The following USP34 variants were observed in gnomAD, a reference collection of about 807,000 sequenced individuals.
USP34 encodes ubiquitin specific peptidase 34.
USP34 carries 70 observed loss-of-function variants against 460.3 expected under a neutral mutation model. That is an observed-to-expected ratio of 0.15 (90% CI 0.13 to 0.19). USP34 has a LOEUF of 0.19. Among genes scored for constraint, USP34 ranks in the 10% least tolerant of loss-of-function variants. USP34 has a pLI of 1.00. For missense variants in USP34, 3,985 were observed against 4,236.2 expected, an observed-to-expected ratio of 0.94 and a Z score of 1.65; for synonymous variants, 1,647 against 1,405.3, an observed-to-expected ratio of 1.17 and a Z score of -3.85.
chr2:61,404,970 G>A (rs1458961188), intron 3 of USP34, among the ~76,000 whole-genome samples: 1 of 152,078 alleles, frequency 6.6e-6, no homozygotes, highest in East Asian at 1.9e-4. Context: ...GCTCACGTCT[G>A]TAATCCCAGC....
chr2:61,213,582 C>T (rs963370132), intron 68 of USP34, among the ~76,000 whole-genome samples: 26 of 152,078 alleles, frequency 1.7e-4, no homozygotes, highest in Non-Finnish European at 1.0e-4. Context: ...ATATGTATCT[C>T]GATTGATCTC....
Position 61,384,116 on chromosome 2 carries a change from TAC to T in USP34, c.754-782_754-781del, listed in dbSNP as rs543373698. 1.7e-4 allele frequency among the ~76,000 whole-genome samples: 26 copies of T among 152,324 alleles called. No homozygotes were observed. In the South Asian group the frequency reaches 4.8e-3, roughly 28 times the overall value. ...TTCAGTATCTGAAGCAAATATATTT[TAC>T]AGTCACACACTGATTACAATATCAA... On this transcript the variant is annotated intron_variant, in intron 5 of 79. Transcript: ENST00000398571.
intron 2 of USP34, among the ~76,000 whole-genome samples, chr2:61,410,571 T>A (rs1385021022): frequency 6.6e-6 from 1 of 152,118 alleles, no homozygotes; most frequent in Non-Finnish European, 1.5e-5. Context: ...GCGGAAAAGG[T>A]GTTTTAAATA....
intron 75 of USP34, among the ~76,000 whole-genome samples, chr2:61,195,847 T>C (rs1053046091): frequency 1.3e-5 from 2 of 152,030 alleles, no homozygotes; most frequent in Non-Finnish European, 2.9e-5. Flanking sequence ...GCAGACTGTA[T>C]ACTACAATTT....
At chr2:61,206,641 G>C in intron 71 of USP34, 119 bp downstream of exon 71, 1 of 1,262,602 alleles carries the variant, frequency 7.9e-7, no homozygotes. Flanking sequence ...GCTAGCTTCA[G>C]CCTCATCTTC....
chr2:61,204,242 G>A lies in USP34; in HGVS notation c.9384+14C>T. 6.2e-7 allele frequency: 1 copy of A among 1,613,886 alleles called. No individual in the cohort carries two copies. Among genetic ancestry groups the A allele is most frequent in the Non-Finnish European group, 8.5e-7 (1 of 1,179,940 alleles). On this transcript the variant is annotated intron_variant, in intron 74 of 79. Coordinates refer to ENST00000398571, the MANE Select transcript of USP34 (RefSeq NM_014709.4). ...TACTATAGCAACATGGATTTTCCTG[G>A]CATCCCAACATACCTTACTGGTTTC...
At chr2:61,323,040 C>T (rs1690974040) in intron 21 of USP34, among the ~76,000 whole-genome samples, 1 of 152,044 alleles carries the variant, frequency 6.6e-6, no homozygotes, top group Non-Finnish European at 1.5e-5. Flanking sequence ...TTACATATAA[C>T]TTTGAAGTAA....
In USP34 at chr2:61,350,673, A is replaced by G. The variant is rs1392415868; in HGVS notation, c.1272T>C (p.Tyr424=). ...TGAGTGAAGGAAATAAGTCATGTAT[A>G]TACCGACTACAATGTTTCAACTAGA... ...AAAQLKHCSR[Y]IHDLFPSLIK... Residue 424 remains tyrosine (Y), a synonymous_variant, in exon 11 of 80, where the codon TAT becomes TAC. Transcript: ENST00000398571. 1.9e-6 allele frequency: 3 copies of G among 1,611,090 alleles called. No individual in the cohort carries two copies. Among genetic ancestry groups the G allele is most frequent in the Admixed American group, 3.4e-5 (2 of 59,258 alleles).
chr2:61,227,293 T>G (rs763862238), intron 61 of USP34, 75 bp from the exon 62 acceptor site: 8 of 1,502,846 alleles, frequency 5.3e-6, no homozygotes, highest in Non-Finnish European at 7.2e-6. Flanking sequence ...ACTTGTTTTA[T>G]GTAACAGTGT....
intron 69 of USP34, among the ~76,000 whole-genome samples, chr2:61,210,301 C>T (rs889806570): frequency 1.3e-5 from 2 of 152,146 alleles, no homozygotes; most frequent in Non-Finnish European, 2.9e-5. Flanking sequence ...CATTTTCTGT[C>T]TTTTATTCCA....
rs1372702160 is a variant in USP34, at chr2:61,206,826, A to C, written c.8980T>G (p.Leu2994Val). The change falls in exon 71 of 80, where the codon TTA becomes GTA. Residue 2994 changes from leucine (L) to valine (V), a missense_variant. By Grantham distance (32) the Leu-to-Val change is conservative. Around this residue, in one of 14 missense-constraint regions of USP34, gnomAD observed 275 missense variants for 292.7 expected, o/e 0.94. Coordinates refer to ENST00000398571, the MANE Select transcript of USP34 (RefSeq NM_014709.4). ...EATACHVTGD[L>V]VELLSIFLSV... ...AGAAATATTGACAGAAGTTCTACTA[A>C]ATCTCCAGTCACATGGCAAGCTGTA... The C allele has an allele frequency of 6.2e-7, 1 of 1,613,686 alleles. No individual in the cohort carries two copies. The highest frequency in any genetic ancestry group is 1.3e-5 in the African/African-American group (1 of 74,926).
chr2:61,267,870 T>A (rs1689099438), intron 41 of USP34, among the ~76,000 whole-genome samples: 1 of 152,138 alleles, frequency 6.6e-6, no homozygotes, highest in South Asian at 2.1e-4. Context: ...TCTGCCAGCC[T>A]CGGCCTCCCA....
intron 19 of USP34, among the ~76,000 whole-genome samples, chr2:61,333,013 G>C (rs1691315593): frequency 6.6e-6 from 1 of 151,964 alleles, no homozygotes; most frequent in Admixed American, 6.6e-5. Flanking sequence ...TTGAGAACTT[G>C]ATCTCACAAA....
chr2:61,288,615 TATTTCTTCAGTTTATAAAA>T, intron 34 of USP34, 43 bp downstream of exon 34: 1 of 1,533,924 alleles, frequency 6.5e-7, no homozygotes, highest in South Asian at 1.1e-5. Flanking sequence ...AGCATTAGCA[TATTTCTTCAGTTTATAAAA>T]ATAAATGGAA....
intron 10 of USP34, among the ~76,000 whole-genome samples, chr2:61,357,914 G>A (rs1329730526): frequency 2.6e-5 from 4 of 152,112 alleles, no homozygotes; most frequent in Non-Finnish European, 1.5e-5. Flanking sequence ...GAATGGGCCG[G>A]GCGTGGTGGC....
At chr2:61,229,467 A>AG (rs1357442916) in intron 59 of USP34, 81 bp downstream of exon 59, 10 of 604,466 alleles carry the variant, frequency 1.7e-5, no homozygotes, top group Non-Finnish European at 2.4e-5. Context: ...TAAAAAAAAA[A>AG]AAAAAAAACA....
chr2:61,425,931 C>T (rs1694498335), intron 1 of USP34, among the ~76,000 whole-genome samples: 2 of 151,862 alleles, frequency 1.3e-5, no homozygotes. Flanking sequence ...TCTTGGATAC[C>T]AGCTCAGCCA....
intron 3 of USP34, among the ~76,000 whole-genome samples, chr2:61,396,517 C>G (rs1044542997): frequency 8.8e-5 from 13 of 148,280 alleles, no homozygotes; most frequent in African/African-American, 3.3e-4. Context: ...TAGACGGAGT[C>G]TCGCACTGTC....
At chr2:61,367,303 TGC>T (rs531895091) in intron 10 of USP34, among the ~76,000 whole-genome samples, 222 of 151,578 alleles carry the variant, frequency 1.5e-3, no homozygotes, top group African/African-American at 5.2e-3. Flanking sequence ...GAAGCACGAG[TGC>T]GCGCGCACAC....
Sources: gnomAD v4.1 joint callset for allele counts (sites outside exome capture counted in the v4.1 genomes callset) on GRCh38, gnomAD v4.1.1 for gene constraint, gnomAD v4.1.1 regional missense constraint, MANE v1.5 for transcripts, NCBI Gene and HGNC (gene_info 2026-07-23, HGNC 2026-07-21) for gene names.